WDPCP: variants seen among roughly 807,000 people sequenced by gnomAD.
WDPCP encodes WD repeat containing planar cell polarity effector.
WDPCP carries 71 observed loss-of-function variants against 93.1 expected under a neutral mutation model. The ratio of observed to expected loss-of-function variants is 0.76; its 90% CI spans 0.63 to 0.93. The LOEUF (loss-of-function observed/expected upper bound fraction) is 0.93, where lower values mean the gene tolerates loss of function less well. Among genes scored for constraint, WDPCP ranks in the 40% least tolerant of loss-of-function variants. The probability of loss-of-function intolerance (pLI) is 0.00; values close to 1 mark genes in which losing one functional copy is unlikely to be tolerated. For missense variants in WDPCP, 844 were observed against 887.4 expected (o/e 0.95, Z 0.62); for synonymous variants, 315 against 315.0 (o/e 1.00, Z 0.00).
chr2:63,794,955 C>T (rs1670593346), intron 2 of WDPCP, among the ~76,000 whole-genome samples: 1 of 152,130 alleles, frequency 6.6e-6, no homozygotes. Flanking sequence ...TTATATGAAC[C>T]TTGTGTAGCC....
intron 1 of WDPCP, among the ~76,000 whole-genome samples, chr2:63,557,612 A>G (rs1706227612): frequency 6.6e-6 from 1 of 152,170 alleles, no homozygotes; most frequent in South Asian, 2.1e-4. Context: ...TAACGAGGAT[A>G]TTCAGGACTT....
At chr2:63,174,645 A>G (rs749097497) in intron 15 of WDPCP, 25 bp downstream of exon 15, 6 of 1,613,162 alleles carry the variant, frequency 3.7e-6, no homozygotes, top group African/African-American at 2.7e-5. Flanking sequence ...TTATGGAGCA[A>G]TTTCCTCAGT....
chr2:63,384,891 G>A (rs1414836766), intron 10 of WDPCP, among the ~76,000 whole-genome samples: 2 of 151,836 alleles, frequency 1.3e-5, no homozygotes, highest in African/African-American at 4.8e-5. Context: ...GAAAACTACA[G>A]ACCAATATTT....
chr2:63,359,487 T>C (rs1351398235), intron 12 of WDPCP, among the ~76,000 whole-genome samples: 1 of 152,172 alleles, frequency 6.6e-6, no homozygotes, highest in Non-Finnish European at 1.5e-5. Flanking sequence ...ATATCTATTA[T>C]AATAGCTAAA....
intron 2 of WDPCP, among the ~76,000 whole-genome samples, chr2:63,768,269 CATTGA>C (rs1273152579): frequency 6.6e-6 from 1 of 151,030 alleles, no homozygotes; most frequent in African/African-American, 2.4e-5. Flanking sequence ...TATTTTATAC[CATTGA>C]ACTATTTGAC....
At chr2:63,450,629 G>C (rs968205222) in intron 6 of WDPCP, among the ~76,000 whole-genome samples, 2 of 152,046 alleles carry the variant, frequency 1.3e-5, no homozygotes, top group Non-Finnish European at 2.9e-5. Flanking sequence ...CTACCACTGG[G>C]GCCTGAAGAC....
intron 1 of WDPCP, among the ~76,000 whole-genome samples, chr2:63,544,667 A>G (rs1018198135): frequency 1.3e-5 from 2 of 152,122 alleles, no homozygotes; most frequent in Admixed American, 1.3e-4. Flanking sequence ...ACAGAGTAGT[A>G]GGCAGAGTAG....
At chr2:63,151,981 T>C (rs1430023456) in intron 17 of WDPCP, among the ~76,000 whole-genome samples, 1 of 152,156 alleles carries the variant, frequency 6.6e-6, no homozygotes, top group East Asian at 1.9e-4. Context: ...CTTTCTGTAA[T>C]TGGTATAACA....
Position 63,552,596 on chromosome 2 carries a change from T to G in WDPCP, c.75+35601A>C, listed in dbSNP as rs1270271704. On this transcript the variant is annotated intron_variant, in intron 1 of 17. Coordinates refer to ENST00000272321, the MANE Select transcript of WDPCP (RefSeq NM_015910.7). ...GTTATATGGGTATATTGCGTGATGC[T>G]GGGTATCTCTTCTTTTAGGGTTTAC... Among the ~76,000 whole-genome samples, 6 of 152,314 alleles carry G rather than the reference T, an allele frequency of 3.9e-5. No homozygotes were observed. In the East Asian group the frequency reaches 1.2e-3, roughly 29 times the overall value.
At chr2:63,565,285 T>C (rs979634233) in intron 1 of WDPCP, among the ~76,000 whole-genome samples, 6 of 152,260 alleles carry the variant, frequency 3.9e-5, no homozygotes, top group African/African-American at 7.2e-5. Flanking sequence ...ATAAAACTTA[T>C]GAATTTGTTA....
intron 1 of WDPCP, chr2:63,571,767 C>T (rs1456821971): frequency 5.2e-6 from 2 of 382,906 alleles, no homozygotes; most frequent in South Asian, 2.0e-5. Context: ...AATGCTTCAA[C>T]ATGATATATT....
At chr2:63,709,748 C>T (rs1356382294) in intron 2 of WDPCP, among the ~76,000 whole-genome samples, 1 of 152,064 alleles carries the variant, frequency 6.6e-6, no homozygotes, top group Non-Finnish European at 1.5e-5. Flanking sequence ...ATGTATGCTT[C>T]TAGAATAATG....
chr2:63,487,988 G>A (rs919540229), intron 2 of WDPCP, among the ~76,000 whole-genome samples: 7 of 152,034 alleles, frequency 4.6e-5, no homozygotes, highest in Non-Finnish European at 8.8e-5. Flanking sequence ...TTAGAGGAAC[G>A]TTTGGATACA....
At chr2:63,265,552 A>T (rs1682034573) in intron 13 of WDPCP, among the ~76,000 whole-genome samples, 1 of 152,200 alleles carries the variant, frequency 6.6e-6, no homozygotes, top group Non-Finnish European at 1.5e-5. Context: ...AAAGCCCAGG[A>T]TCTGATGGTT....
intron 2 of WDPCP, among the ~76,000 whole-genome samples, chr2:63,763,802 T>C (rs1370588646): frequency 1.3e-5 from 2 of 152,168 alleles, no homozygotes; most frequent in Non-Finnish European, 2.9e-5. Flanking sequence ...GAAGTTGTTT[T>C]TAAAAATAGA....
chr2:63,451,718 CA>C (rs1379833862), intron 6 of WDPCP, among the ~76,000 whole-genome samples: 1 of 152,152 alleles, frequency 6.6e-6, no homozygotes, highest in Non-Finnish European at 1.5e-5. Context: ...AAACCGAATC[CA>C]GCAGCACATC....
intron 2 of WDPCP, among the ~76,000 whole-genome samples, chr2:63,748,491 T>C (rs1669832162): frequency 6.6e-6 from 1 of 152,094 alleles, no homozygotes; most frequent in Non-Finnish European, 1.5e-5. Flanking sequence ...GATGATCATA[T>C]AAATTTTCTC....
chr2:63,185,147 T>G (rs1021659629), intron 14 of WDPCP, among the ~76,000 whole-genome samples: 1 of 152,248 alleles, frequency 6.6e-6, no homozygotes, highest in Non-Finnish European at 1.5e-5. Context: ...TTCTTTCTAT[T>G]GGTTTTTGGA....
At chr2:63,464,313 A>C (rs760019081) in intron 6 of WDPCP, among the ~76,000 whole-genome samples, 11 of 152,140 alleles carry the variant, frequency 7.2e-5, no homozygotes, top group Non-Finnish European at 1.3e-4. Context: ...ATCACAATGA[A>C]ATACTACTTC....
Sources: gnomAD v4.1 joint callset for allele counts (sites outside exome capture counted in the v4.1 genomes callset) on GRCh38, gnomAD v4.1.1 for gene constraint, MANE v1.5 for transcripts, NCBI Gene and HGNC (gene_info 2026-07-23, HGNC 2026-07-21) for gene names.